Variants in ZBTB37 observed in about 807,000 individuals in gnomAD.
ZBTB37 encodes zinc finger and BTB domain-containing protein 37.
ZBTB37 carries 15 observed loss-of-function variants against 37.7 expected under a neutral mutation model. That is an observed-to-expected ratio of 0.40 (90% CI 0.27 to 0.61). The LOEUF is 0.61. ZBTB37 is among the 20% of genes least tolerant of loss of function. The pLI is 0.44. For missense variants in ZBTB37, 514 were observed against 641.9 expected, an observed-to-expected ratio of 0.80 and a Z score of 2.15; for synonymous variants, 231 against 220.6, an observed-to-expected ratio of 1.05 and a Z score of -0.42.
chr1:173,870,773 A>G (rs1345166079), exon 3 of ZBTB37: 4 of 1,614,100 alleles, frequency 2.5e-6, no homozygotes, highest in Non-Finnish European at 3.4e-6. Context: ...GCTGTGCTGG[A>G]TATCAGAGAG....
exon 3 of ZBTB37, chr1:173,870,919 C>G: frequency 6.2e-7 from 1 of 1,614,084 alleles, no homozygotes; most frequent in Non-Finnish European, 8.5e-7. Flanking sequence ...CCGTGGGGGT[C>G]GGAGTGATGA....
intron 4 of ZBTB37, among the ~76,000 whole-genome samples, chr1:173,877,473 C>T (rs1656048728): frequency 6.6e-6 from 1 of 151,066 alleles, no homozygotes; most frequent in Non-Finnish European, 1.5e-5. Flanking sequence ...CCTTGCCTTC[C>T]CTGGCTCAAG....
exon 3 of ZBTB37, chr1:173,870,998 A>G: frequency 1.9e-6 from 3 of 1,614,250 alleles, no homozygotes; most frequent in Non-Finnish European, 2.5e-6. Flanking sequence ...GGGCCTGAGA[A>G]TCAGCCTTCT....
chr1:173,903,137 G>T (rs1172272127), exon 4 of ZBTB37: 1 of 152,018 alleles, frequency 6.6e-6, no homozygotes, highest in East Asian at 1.9e-4. Flanking sequence ...TCATTTGACA[G>T]GTGTTCTCAG....
At chr1:173,893,221 T>C (rs1656915871) in exon 4 of ZBTB37, 1 of 152,202 alleles carries the variant, frequency 6.6e-6, no homozygotes, top group South Asian at 2.1e-4. Flanking sequence ...GAGAGTTTTA[T>C]ATTCAGCATC....
At chr1:173,871,877 A>C (rs1655589288) in intron 3 of ZBTB37, among the ~76,000 whole-genome samples, 1 of 152,156 alleles carries the variant, frequency 6.6e-6, no homozygotes, top group Admixed American at 6.5e-5. Flanking sequence ...AATTGAGAGA[A>C]AGTCTCAATT....
Position 173,873,399 on chromosome 1 carries a change from C to T in ZBTB37, c.924-68C>T, listed in dbSNP as rs985039617. 5.4e-6 allele frequency: 8 copies of T among 1,472,626 alleles called. No individual in the cohort carries two copies. The East Asian group carries it at 1.2e-4, about 22-fold the overall frequency. The allele number at this position is 1,472,626 out of a possible 1,614,324, so 91.2% of individuals were successfully genotyped here. On this transcript the variant is annotated intron_variant, in intron 3 of 4. Transcript: ENST00000427304. Reference sequence around the variant, plus strand: ...TCAGCCATAGAATAAAGAGGGGCGACATCACCATTTTTCAGGTTCTTTGAT... The same window carrying T: ...TCAGCCATAGAATAAAGAGGGGCGATATCACCATTTTTCAGGTTCTTTGAT...
At chr1:173,887,303 G>A (rs1026494847), downstream of ZBTB37, 2 of 152,066 alleles carry the variant, frequency 1.3e-5, no homozygotes, top group African/African-American at 2.4e-5. Flanking sequence ...ACTATGTCTC[G>A]GGTCTGCAAA....
At chr1:173,888,337 T>C (rs1234974351), downstream of ZBTB37, 1 of 152,238 alleles carries the variant, frequency 6.6e-6, no homozygotes, top group Non-Finnish European at 1.5e-5. Flanking sequence ...TATGCTGCTT[T>C]GGATGGAGCC....
chr1:173,879,587 A>C (rs987788772), intron 4 of ZBTB37, among the ~76,000 whole-genome samples: 1 of 152,176 alleles, frequency 6.6e-6, no homozygotes, highest in Admixed American at 6.5e-5. Flanking sequence ...CCTTCTGTCA[A>C]AGATGTTTTG....
intron 3 of ZBTB37, 92 bp from the exon 4 acceptor site, chr1:173,873,375 C>T: frequency 7.5e-7 from 1 of 1,341,596 alleles, no homozygotes; most frequent in Non-Finnish European, 1.0e-6. Context: ...CCCCCTTCCT[C>T]AGCCATAGAA....
chr1:173,884,153 A>AT lies in ZBTB37; in HGVS notation c.1024-1467dup, dbSNP rs1246346820. Among the ~76,000 whole-genome samples, 922 of 141,888 alleles carry AT rather than the reference A, an allele frequency of 6.5e-3. 5 individuals carry two copies. The highest frequency in any genetic ancestry group is 7.5e-3 in the Middle Eastern group (2 of 268). The allele number at this position is 141,888 out of a possible 152,430, so 93.1% of individuals were successfully genotyped here. ...ACAAAAAGCATTTCTAAATCCAAAGATTTTTTTTTTTTTTTTGAGGTGGGG... is the reference window on the plus strand; with the variant it reads ...ACAAAAAGCATTTCTAAATCCAAAGATTTTTTTTTTTTTTTTTGAGGTGGGG... On this transcript the variant is annotated intron_variant, in intron 4 of 4. Transcript: ENST00000427304.
At chr1:173,900,899 C>T (rs572347725) in exon 4 of ZBTB37, 2 of 152,280 alleles carry the variant, frequency 1.3e-5, no homozygotes, top group East Asian at 1.9e-4. Context: ...ACTGAAGAAC[C>T]TTGTGGAGTA....
intron 4 of ZBTB37, among the ~76,000 whole-genome samples, chr1:173,873,976 C>T (rs765663049): frequency 5.9e-5 from 9 of 152,144 alleles, no homozygotes; most frequent in African/African-American, 9.7e-5. Context: ...AGGGAACTGG[C>T]CGGGCGCAGT....
intron 4 of ZBTB37, among the ~76,000 whole-genome samples, chr1:173,883,459 G>A (rs886728066): frequency 2.6e-5 from 4 of 152,068 alleles, no homozygotes; most frequent in African/African-American, 9.7e-5. Context: ...CAAAAAGAGC[G>A]AAACTCCGTC....
chr1:173,883,565 G>A (rs1656454732), intron 4 of ZBTB37, among the ~76,000 whole-genome samples: 1 of 152,228 alleles, frequency 6.6e-6, no homozygotes, highest in Admixed American at 6.5e-5. Flanking sequence ...CCTTATGGAT[G>A]AGAAGACAGC....
At chr1:173,900,471 TG>T (rs963138010) in exon 4 of ZBTB37, 1 of 152,190 alleles carries the variant, frequency 6.6e-6, no homozygotes, top group Non-Finnish European at 1.5e-5. Flanking sequence ...TGAGAACCAC[TG>T]TTCAAACTAA....
At chr1:173,884,211 G>T (rs1170258000) in intron 4 of ZBTB37, among the ~76,000 whole-genome samples, 2 of 150,946 alleles carry the variant, frequency 1.3e-5, no homozygotes, top group Admixed American at 1.3e-4. Flanking sequence ...GAGTGCAGTG[G>T]CCTGATGACA....
exon 4 of ZBTB37, chr1:173,891,672 A>G (rs1032385726): frequency 6.6e-6 from 1 of 152,162 alleles, no homozygotes; most frequent in Non-Finnish European, 1.5e-5. Context: ...AGACACCTAT[A>G]ATCCCAGCTA....
Sources: allele counts gnomAD v4.1 joint callset (sites outside exome capture counted in the v4.1 genomes callset), GRCh38; gene constraint gnomAD v4.1.1; transcripts MANE v1.5; gene names NCBI Gene and HGNC (gene_info 2026-07-23, HGNC 2026-07-21).